Variants in ISY1 observed in about 807,000 individuals in gnomAD.
ISY1 encodes the protein pre-mRNA-splicing factor ISY1 homolog.
Under a neutral mutation model 54.4 loss-of-function variants are expected in ISY1, and 12 were observed. That is an observed-to-expected ratio of 0.22 (90% CI 0.14 to 0.36). The LOEUF is 0.36. Ranked by LOEUF, ISY1 falls within the 10% of genes least tolerant of loss-of-function variation. The probability of loss-of-function intolerance (pLI) is 1.00; values close to 1 mark genes in which losing one functional copy is unlikely to be tolerated. For missense variants in ISY1, 282 were observed against 342.2 expected (o/e 0.82, Z 1.39); for synonymous variants, 96 against 117.9 (o/e 0.81, Z 1.20).
At chr3:129,134,301 T>C (rs917871264) in intron 8 of ISY1, 106 bp from the exon 9 acceptor site, 11 of 1,557,900 alleles carry the variant, frequency 7.1e-6, no homozygotes, top group Middle Eastern at 1.7e-4. Context: ...ACATCCCCTC[T>C]AGAAAGGGAC....
At position 129,129,892 on chromosome 3, in the gene ISY1, A is replaced by G. The variant is rs1560011864; in HGVS notation, c.*189T>C. 4.4e-6 allele frequency: 2 copies of G among 458,176 alleles called. No individual in the cohort carries two copies. The allele number at this position is 458,176 out of a possible 1,614,324, so 28.4% of individuals were successfully genotyped here. ...ATAAATGGATCCACACAGTAGCAAA[A>G]TATGTGTACAAAACCTACCAGGAAG... is the stretch of plus-strand genomic sequence containing the variant. On this transcript the variant is annotated 3_prime_UTR_variant, in exon 11 of 11. Transcript: ENST00000393295.
In ISY1 at chr3:129,137,489, T is replaced by C. The variant is rs1936449426; in HGVS notation, c.419-2535A>G. On this transcript the variant is annotated intron_variant, in intron 7 of 10. Coordinates refer to ENST00000393295, the MANE Select transcript of ISY1 (RefSeq NM_020701.4). ...AAATGTAAATGCAAAAAACCTAACA[T>C]ATAGAGCATAATCACAATATAGGAG... Among the ~76,000 whole-genome samples the C allele has an allele frequency of 2.0e-5, 3 of 152,020 alleles. No individual in the cohort carries two copies. The East Asian group carries it at 5.8e-4, about 29-fold the overall frequency.
chr3:129,158,706 T>C, intron 2 of ISY1, 147 bp from the exon 3 acceptor site: 1 of 1,162,636 alleles, frequency 8.6e-7, no homozygotes, highest in Non-Finnish European at 1.2e-6. Context: ...AACCACAGAA[T>C]AGTTAGGGAT....
At chr3:129,150,645 G>A (rs866068068) in intron 5 of ISY1, among the ~76,000 whole-genome samples, 6 of 151,818 alleles carry the variant, frequency 4.0e-5, no homozygotes, top group African/African-American at 7.3e-5. Flanking sequence ...CCTGGGGGGC[G>A]GAGCTTGCAG....
chr3:129,130,806 A>G, intron 9 of ISY1, 170 bp from the exon 10 acceptor site: 1 of 662,634 alleles, frequency 1.5e-6, no homozygotes, highest in Non-Finnish European at 2.4e-6. Flanking sequence ...AAGCCATAGA[A>G]CACGCTGTAT....
rs1007091662 is a variant in ISY1 at position 129,129,102 on chromosome 3, G to GC, written c.*978dup. The GC allele has an allele frequency of 3.3e-5, 5 of 152,306 alleles. No homozygotes were observed. Among genetic ancestry groups the GC allele is most frequent in the Admixed American group, 2.0e-4 (3 of 15,280 alleles). The allele number at this position is 152,306 out of a possible 1,614,324, so 9.4% of individuals were successfully genotyped here. A position where few individuals can be genotyped will look rare whatever the true frequency, so the allele number is the denominator to read the frequency against. On this transcript the variant is annotated 3_prime_UTR_variant, in exon 11 of 11. Transcript: ENST00000393295. ...AGGGACTCCCCTGCAGGAAGGCAGTGCCCCTTAGTGACTGGTCACATCCTA... is the reference window on the plus strand; with the variant it reads ...AGGGACTCCCCTGCAGGAAGGCAGTGCCCCCTTAGTGACTGGTCACATCCTA...
intron 1 of ISY1, among the ~76,000 whole-genome samples, chr3:129,160,413 C>G (rs1038275052): frequency 2.6e-5 from 4 of 151,874 alleles, no homozygotes; most frequent in Admixed American, 2.6e-4. Flanking sequence ...CAACAAATGA[C>G]GCCAGACCAC....
At chr3:129,149,057 T>A (rs780909851) in intron 5 of ISY1, among the ~76,000 whole-genome samples, 1 of 152,016 alleles carries the variant, frequency 6.6e-6, no homozygotes, top group Non-Finnish European at 1.5e-5. Flanking sequence ...TCCCAATACT[T>A]TGGGAGACAC....
chr3:129,137,937 C>T (rs1277935278), intron 7 of ISY1, among the ~76,000 whole-genome samples: 1 of 119,654 alleles, frequency 8.4e-6, no homozygotes, highest in Non-Finnish European at 1.7e-5. Flanking sequence ...AAAAAAAAAA[C>T]TCGAGACCAC....
Position 129,140,357 on chromosome 3 carries a change from A to ATCTT in ISY1, c.418+10_418+11insAAGA. The ATCTT allele has an allele frequency of 2.9e-6, 2 of 695,902 alleles. No individual in the cohort carries two copies. The highest frequency in any genetic ancestry group is 3.7e-5 in the South Asian group (2 of 53,382). 43.1% of individuals were successfully genotyped at this position (695,902 alleles called of 1,614,324 possible). ...CCAATGAAAGGCTAAAACTGTCACA[A>ATCTT]ACTTACTTACGTTCTTTTTCAAACA... On this transcript the variant is annotated intron_variant, in intron 7 of 10. Transcript: ENST00000393295.
At chr3:129,160,760 T>C (rs1937283568) in intron 1 of ISY1, among the ~76,000 whole-genome samples, 1 of 152,206 alleles carries the variant, frequency 6.6e-6, no homozygotes, top group African/African-American at 2.4e-5. Context: ...ATTAAGACAC[T>C]GTCCAGGACA....
intron 9 of ISY1, among the ~76,000 whole-genome samples, chr3:129,132,037 C>T (rs1460659803): frequency 6.6e-6 from 1 of 152,040 alleles, no homozygotes; most frequent in African/African-American, 2.4e-5. Context: ...CATTGTGTTG[C>T]CAGACTGGTC....
At chr3:129,149,484 C>T (rs536332341) in intron 5 of ISY1, among the ~76,000 whole-genome samples, 3 of 131,364 alleles carry the variant, frequency 2.3e-5, no homozygotes, top group African/African-American at 8.6e-5. Context: ...CACAGCAGCT[C>T]ACGCCTGTAG....
intron 6 of ISY1, among the ~76,000 whole-genome samples, chr3:129,142,103 G>C (rs1365462283): frequency 6.6e-6 from 1 of 151,806 alleles, no homozygotes; most frequent in Non-Finnish European, 1.5e-5. Context: ...TACTTGGGAG[G>C]CTGGAGCACA....
In ISY1 at chr3:129,130,564, G is replaced by A. The variant is rs747954372; in HGVS notation, c.736C>T (p.Pro246Ser). ...TGTGGTCCTACCTCTTGCTGCGAGGGAACAGGGACGTGAGCAATGAACTTC... is the reference window on the plus strand; with the variant it reads ...TGTGGTCCTACCTCTTGCTGCGAGGAAACAGGGACGTGAGCAATGAACTTC... ...QQKFIAHVPV[P>S]SQQEIEEALV... Residue 246 changes from proline (P) to serine (S), a missense_variant, in exon 10 of 11, where the codon CCC becomes TCC. By Grantham distance (74) the Pro-to-Ser change is moderately conservative (BLOSUM62 -1). This residue lies in a region of ISY1 where 279 missense variants were observed against 323.6 expected (regional missense o/e 0.86). Transcript: ENST00000393295. 6.2e-7 allele frequency: 1 copy of A among 1,614,074 alleles called. No individual in the cohort carries two copies. The highest frequency in any genetic ancestry group is 8.5e-7 in the Non-Finnish European group (1 of 1,179,978).
chr3:129,133,393 T>C (rs1398615755), intron 9 of ISY1, among the ~76,000 whole-genome samples: 1 of 152,184 alleles, frequency 6.6e-6, no homozygotes, highest in East Asian at 1.9e-4. Flanking sequence ...TTTCTTTCCA[T>C]GTGTAAGACA....
At chr3:129,146,138 C>G (rs190417844) in intron 5 of ISY1, among the ~76,000 whole-genome samples, 14 of 152,018 alleles carry the variant, frequency 9.2e-5, no homozygotes, top group South Asian at 2.1e-4. Flanking sequence ...TATAAACAAC[C>G]CTGAAACAAC....
chr3:129,134,953 A>T lies in ISY1; in HGVS notation c.420T>A (p.Pro140=). 6.2e-7 allele frequency: 1 copy of T among 1,601,646 alleles called. No individual in the cohort carries two copies. The highest frequency in any genetic ancestry group is 8.5e-7 in the Non-Finnish European group (1 of 1,174,032). ...PGVRELFEKE[P]LPPPRKTRAE... is the part of the protein sequence containing the mutation. ...CACGTGTCTTTCTGGGAGGAGGAAGAGCTATAAGAAACAGAAATGGAGCTG... is the reference window on the plus strand; with the variant it reads ...CACGTGTCTTTCTGGGAGGAGGAAGTGCTATAAGAAACAGAAATGGAGCTG... The change falls in exon 8 of 11, where the codon CCT becomes CCA. Residue 140 remains proline (P), a splice_region_variant and synonymous_variant. Transcript: ENST00000393295.
chr3:129,136,356 C>A (rs964258702), intron 7 of ISY1, among the ~76,000 whole-genome samples: 1 of 152,122 alleles, frequency 6.6e-6, no homozygotes, highest in African/African-American at 2.4e-5. Flanking sequence ...CCCGCTTAGG[C>A]TTCCCAAAGT....
Sources: allele counts gnomAD v4.1 joint callset (sites outside exome capture counted in the v4.1 genomes callset), GRCh38; gene constraint gnomAD v4.1.1; regional missense constraint gnomAD v4.1.1; transcripts MANE v1.5; gene names NCBI Gene and HGNC (gene_info 2026-07-23, HGNC 2026-07-21).